RELCH: variants seen among roughly 807,000 people sequenced by gnomAD.
RELCH encodes RAB11-binding protein RELCH.
RELCH carries 41 observed loss-of-function variants against 150.3 expected under a neutral mutation model. That is an observed-to-expected ratio of 0.27 (90% CI 0.21 to 0.35). The LOEUF (loss-of-function observed/expected upper bound fraction) is 0.35. RELCH is among the 10% of genes least tolerant of loss of function. The pLI is 1.00. For synonymous variants in RELCH, 478 were observed against 531.8 expected (o/e 0.90, Z 1.39); for missense variants, 1,092 against 1,467.8 (o/e 0.74, Z 4.18).
intron 2 of RELCH, among the ~76,000 whole-genome samples, chr18:62,218,625 C>G (rs2040631140): frequency 1.3e-5 from 2 of 151,876 alleles, no homozygotes; most frequent in Admixed American, 6.6e-5. Context: ...TCTGGAGTTG[C>G]TTATACTGAC....
chr18:62,282,041 AT>A (rs1555751854), intron 24 of RELCH, among the ~76,000 whole-genome samples: 1 of 151,956 alleles, frequency 6.6e-6, no homozygotes, highest in South Asian at 2.1e-4. Flanking sequence ...ATACGGTGGG[AT>A]TTTTTTTCTT....
At chr18:62,283,178 T>C (rs889201857) in intron 25 of RELCH, among the ~76,000 whole-genome samples, 4 of 152,232 alleles carry the variant, frequency 2.6e-5, no homozygotes, top group Non-Finnish European at 5.9e-5. Context: ...AAAACAGACA[T>C]TTCTTCCACT....
At chr18:62,234,409 C>T (rs2041767584) in intron 10 of RELCH, among the ~76,000 whole-genome samples, 1 of 151,578 alleles carries the variant, frequency 6.6e-6, no homozygotes, top group African/African-American at 2.4e-5. Context: ...CCTCAAACTC[C>T]AGGGCTTAAG....
chr18:62,230,370 A>G (rs1204752782), intron 8 of RELCH, among the ~76,000 whole-genome samples: 2 of 152,044 alleles, frequency 1.3e-5, no homozygotes, highest in African/African-American at 2.4e-5. Context: ...CCTCTGAGGG[A>G]ATATGAGAGG....
chr18:62,309,999 C>G lies in RELCH; in HGVS notation c.*4465C>G, dbSNP rs1322154122. On this transcript the variant is annotated 3_prime_UTR_variant, in exon 29 of 29. Coordinates refer to ENST00000644646, the MANE Select transcript of RELCH (RefSeq NM_001346231.2). ...CTTTCTTAATTGTTGGCATTTTAAA[C>G]CTTAGATATTTTCAGGACATGCATC... 6.6e-6 allele frequency: 1 copy of G among 152,116 alleles called. No homozygotes were observed. Among genetic ancestry groups the G allele is most frequent in the Non-Finnish European group, 1.5e-5 (1 of 68,002 alleles). 9.4% of individuals were successfully genotyped at this position (152,116 alleles called of 1,614,324 possible).
rs2038253534 is a variant in RELCH at position 62,187,962 on chromosome 18, C to G, written c.457C>G (p.Pro153Ala). 1 of 1,599,250 alleles carries G rather than the reference C, an allele frequency of 6.3e-7. No individual in the cohort carries two copies. Among genetic ancestry groups the G allele is most frequent in the Non-Finnish European group, 8.5e-7 (1 of 1,173,966 alleles). ...TPPGMGAPGV[P>A]GAAGVGGAGG... ...GCCGGGGATGGGGGCGCCAGGGGTC[C>G]CTGGAGCAGCCGGCGTTGGGGGCGC... Residue 153 changes from proline (P) to alanine (A), a missense_variant, in exon 1 of 29, where the codon CCT becomes GCT. Pro to Ala is a conservative substitution (Grantham distance 27). Transcript: ENST00000644646.
rs372309054 is a variant in RELCH at position 62,187,818 on chromosome 18, C to G, written c.313C>G (p.Gln105Glu). The change falls in exon 1 of 29, where the codon CAA becomes GAA. Residue 105 changes from glutamine to glutamate, a missense_variant. Physicochemically the swap from Gln to Glu is conservative, Grantham distance 29. This residue lies in a region of RELCH where 190 missense variants were observed against 276.2 expected (regional missense o/e 0.69). Coordinates refer to ENST00000644646, the MANE Select transcript of RELCH (RefSeq NM_001346231.2). ...GATCGCTGCTCAGCTGTTGCGCGAT[C>G]AATACTTGCTGACCGCCCTGGAGCT... ...DAIAAQLLRD[Q>E]YLLTALELHT... is the part of the protein sequence containing the mutation. The G allele has an allele frequency of 6.3e-7, 1 of 1,594,474 alleles. No individual in the cohort carries two copies. The highest frequency in any genetic ancestry group is 8.5e-7 in the Non-Finnish European group (1 of 1,170,440).
intron 28 of RELCH, among the ~76,000 whole-genome samples, chr18:62,303,734 T>C (rs1293775272): frequency 1.3e-5 from 2 of 152,006 alleles, no homozygotes; most frequent in Admixed American, 6.6e-5. Context: ...CTGAAGGGGG[T>C]CAAAGAGACA....
chr18:62,272,928 A>C (rs1446815905), intron 20 of RELCH, among the ~76,000 whole-genome samples: 1 of 151,938 alleles, frequency 6.6e-6, no homozygotes, highest in African/African-American at 2.4e-5. Flanking sequence ...CTGATTTGTC[A>C]GTTAAATTGT....
At chr18:62,261,862 C>G (rs2043289997) in intron 16 of RELCH, among the ~76,000 whole-genome samples, 1 of 151,952 alleles carries the variant, frequency 6.6e-6, no homozygotes, top group South Asian at 2.1e-4. Context: ...GCCCCATTGT[C>G]TTATTTTATA....
intron 5 of RELCH, among the ~76,000 whole-genome samples, chr18:62,224,656 A>G (rs1211015702): frequency 6.6e-6 from 1 of 152,138 alleles, no homozygotes; most frequent in Non-Finnish European, 1.5e-5. Flanking sequence ...ATCATGTTCA[A>G]TAGTATTAAA....
At chr18:62,304,890 A>C (rs1330168256) in intron 28 of RELCH, among the ~76,000 whole-genome samples, 1 of 152,238 alleles carries the variant, frequency 6.6e-6, no homozygotes, top group African/African-American at 2.4e-5. Flanking sequence ...AAAAAGGAAT[A>C]TACCATAGGA....
chr18:62,233,967 CT>C (rs1435573268), intron 10 of RELCH, among the ~76,000 whole-genome samples: 1 of 151,808 alleles, frequency 6.6e-6, no homozygotes, highest in Admixed American at 6.6e-5. Flanking sequence ...ATGATGTTTA[CT>C]TTTCTGGCTG....
Position 62,301,156 on chromosome 18 carries a change from A to C in RELCH, c.3530+2296A>C, listed in dbSNP as rs116059600. Among the ~76,000 whole-genome samples, 151 of 152,354 alleles carry C rather than the reference A, an allele frequency of 9.9e-4. 1 individual carries two copies. Among genetic ancestry groups the C allele is most frequent in the African/African-American group, 3.5e-3 (147 of 41,596 alleles). ...AAAGAGGATTACATGCAGAAAAATCAGCACTGTGCAAAATGACAAAAGTTA... is the reference window on the plus strand; with the variant it reads ...AAAGAGGATTACATGCAGAAAAATCCGCACTGTGCAAAATGACAAAAGTTA... On this transcript the variant is annotated intron_variant, in intron 28 of 28. Coordinates refer to ENST00000644646, the MANE Select transcript of RELCH (RefSeq NM_001346231.2).
At chr18:62,275,513 A>ATTT (rs369130664) in intron 22 of RELCH, 40 bp downstream of exon 22, 122 of 1,054,834 alleles carry the variant, frequency 1.2e-4, no homozygotes, top group Non-Finnish European at 1.4e-4. Flanking sequence ...AATTATAATG[A>ATTT]TTTTTTTTTT....
At chr18:62,239,214 C>A (rs752665720) in intron 10 of RELCH, among the ~76,000 whole-genome samples, 2 of 151,938 alleles carry the variant, frequency 1.3e-5, no homozygotes, top group African/African-American at 4.8e-5. Flanking sequence ...TATTTAGGTA[C>A]TTTAGGTTTC....
chr18:62,241,808 G>A lies in RELCH; in HGVS notation c.1621-2956G>A, dbSNP rs28360682. ...GTAAATACAGACTTAGTAAATTCTGGTGTGGATTTATTAGTGTTTCAGAGG... is the reference window on the plus strand; with the variant it reads ...GTAAATACAGACTTAGTAAATTCTGATGTGGATTTATTAGTGTTTCAGAGG... On this transcript the variant is annotated intron_variant, in intron 10 of 28. Coordinates refer to ENST00000644646, the MANE Select transcript of RELCH (RefSeq NM_001346231.2). Among the ~76,000 whole-genome samples, 304 of 152,210 alleles carry A rather than the reference G, an allele frequency of 2.0e-3. 3 individuals carry two copies. The highest frequency in any genetic ancestry group is 7.0e-3 in the African/African-American group (292 of 41,528).
chr18:62,201,588 A>G (rs1403984003), intron 1 of RELCH, among the ~76,000 whole-genome samples: 1 of 152,186 alleles, frequency 6.6e-6, no homozygotes, highest in Non-Finnish European at 1.5e-5. Context: ...TAAAAACAAA[A>G]AGCTCAAATA....
chr18:62,228,833 T>A (rs1243922905), intron 8 of RELCH, among the ~76,000 whole-genome samples: 1 of 152,136 alleles, frequency 6.6e-6, no homozygotes. Context: ...CTAGGTTCTA[T>A]CTTAGCTAAG....
Sources: gnomAD v4.1 joint callset for allele counts (sites outside exome capture counted in the v4.1 genomes callset) on GRCh38, gnomAD v4.1.1 for gene constraint, gnomAD v4.1.1 regional missense constraint, MANE v1.5 for transcripts, NCBI Gene and HGNC (gene_info 2026-07-23, HGNC 2026-07-21) for gene names.